Variants in MYH7B observed in about 807,000 individuals in gnomAD.
MYH7B encodes the protein myosin heavy chain 7B, also known as myosin-7B.
A neutral mutation model predicts 234.5 loss-of-function variants in MYH7B; 205 were observed. The ratio of observed to expected loss-of-function variants is 0.87; its 90% CI spans 0.78 to 0.98. The LOEUF (loss-of-function observed/expected upper bound fraction) is 0.98, where lower values mean the gene tolerates loss of function less well. MYH7B is among the 50% of genes least tolerant of loss of function. The pLI, the probability that MYH7B is intolerant of heterozygous loss-of-function variation, is 0.00. For missense variants in MYH7B, 2,652 were observed against 2,633.4 expected, an observed-to-expected ratio of 1.01 and a Z score of -0.15; for synonymous variants, 1,193 against 1,105.0, an observed-to-expected ratio of 1.08 and a Z score of -1.58.
In MYH7B at chr20:34,998,748, G is replaced by C. The variant is rs1405813294; in HGVS notation, c.4023G>C (p.Gln1341His). The C allele has an allele frequency of 3.1e-6, 5 of 1,612,432 alleles. No individual in the cohort carries two copies. In the African/African-American group the frequency reaches 6.7e-5, roughly 22 times the overall value. The change falls in exon 35 of 45, where the codon CAG becomes CAC. Residue 1341 changes from glutamine (Q) to histidine (H), a missense_variant. By Grantham distance (24) the Gln-to-His change is conservative (BLOSUM62 0). Transcript: ENST00000262873. Reference sequence around the variant, plus strand: ...AGAGTGCCCTGGCCCACGCCGTGCAGGCTCTGCGGCACGACTGTGACCTCC... The same window carrying C: ...AGAGTGCCCTGGCCCACGCCGTGCACGCTCTGCGGCACGACTGTGACCTCC...
chr20:34,962,723 G>T (rs948811082), intron 2 of MYH7B, among the ~76,000 whole-genome samples: 16 of 152,100 alleles, frequency 1.1e-4, no homozygotes, highest in Admixed American at 9.8e-4. Flanking sequence ...GAACTCCTCG[G>T]TTCAAGGGAT....
chr20:34,958,945 A>T (rs1346506990), intron 2 of MYH7B, among the ~76,000 whole-genome samples: 1 of 152,182 alleles, frequency 6.6e-6, no homozygotes, highest in Non-Finnish European at 1.5e-5. Context: ...TTGCTAACTG[A>T]TGGAAATAGT....
rs894948232 is a variant in MYH7B, at chr20:34,999,285, C to G, written c.4420C>G (p.Leu1474Val). The change falls in exon 36 of 45, where the codon CTG becomes GTG. Residue 1474 changes from leucine to valine, a missense_variant. Physicochemically the swap from Leu to Val is conservative, Grantham distance 32. Transcript: ENST00000262873. ...GCAGGAGGAGGAGATGCAGCGGGAG[C>G]TGGAGGCGGCACAGAGGGAGTCCCG... The G allele has an allele frequency of 1.9e-6, 3 of 1,591,496 alleles. No individual in the cohort carries two copies. Among genetic ancestry groups the G allele is most frequent in the African/African-American group, 2.7e-5 (2 of 74,678 alleles).
At chr20:34,999,750 T>TCCCCCCCCCCCCCCCC (rs61644803) in intron 37 of MYH7B, 41 bp from the exon 38 acceptor site, 2 of 1,320,768 alleles carry the variant, frequency 1.5e-6, no homozygotes, top group African/African-American at 1.8e-5. Flanking sequence ...CCACTGGCCA[T>TCCCCCCCCCCCCCCCC]CCCCCCCCCC....
chr20:35,001,652 C>G, intron 43 of MYH7B, 126 bp downstream of exon 43: 1 of 872,986 alleles, frequency 1.1e-6, no homozygotes, highest in East Asian at 2.6e-5. Flanking sequence ...AAGAGAGAAG[C>G]TTCTAACATC....
rs889811950 is a variant in MYH7B, at chr20:34,956,008, G to A, written c.-337+1G>A. ...CATCGGGGTCGGCGGGGAGCTACGG[G>A]TATGCATAGCTCATAGAGCGTCAGA... is the stretch of plus-strand genomic sequence containing the variant. On this transcript the variant is annotated splice_donor_variant, in intron 1 of 44. Coordinates refer to ENST00000262873, the Ensembl canonical transcript of MYH7B. LOFTEE classifies it low-confidence loss of function (5UTR_SPLICE). 2.0e-5 allele frequency: 3 copies of A among 152,428 alleles called. No homozygotes were observed. The highest frequency in any genetic ancestry group is 7.2e-5 in the African/African-American group (3 of 41,448). The allele number at this position is 152,428 out of a possible 1,614,324, so 9.4% of individuals were successfully genotyped here. A position where few individuals can be genotyped will look rare whatever the true frequency, so the allele number is the denominator to read the frequency against.
intron 10 of MYH7B, among the ~76,000 whole-genome samples, chr20:34,983,047 G>C (rs988886564): frequency 1.3e-5 from 2 of 152,136 alleles, no homozygotes; most frequent in Non-Finnish European, 2.9e-5. Context: ...TGAAACAATG[G>C]GGCCAAGTTT....
At position 34,987,716 on chromosome 20, in the gene MYH7B, C is replaced by A. The variant is rs561102765; in HGVS notation, c.1266+41C>A. 21 of 1,612,520 alleles carry A rather than the reference C, an allele frequency of 1.3e-5. No homozygotes were observed. In the East Asian group the frequency reaches 4.7e-4, roughly 36 times the overall value. ...GCCAAACCCATGGGGGACAGCCGGG[C>A]AGGGTCCCCTCCTTGCCAGGTCCCA... On this transcript the variant is annotated intron_variant, in intron 17 of 44. Coordinates refer to ENST00000262873, the Ensembl canonical transcript of MYH7B.
At chr20:35,000,013 G>A (rs2082339890) in intron 38 of MYH7B, 107 bp downstream of exon 38, 12 of 1,120,956 alleles carry the variant, frequency 1.1e-5, no homozygotes, top group Non-Finnish European at 1.6e-5. Flanking sequence ...TGAGGTCCGG[G>A]TTGCTGTCTC....
At chr20:34,994,354 G>A (rs755719619) in exon 27 of MYH7B, 47 of 1,604,208 alleles carry the variant, frequency 2.9e-5, no homozygotes, top group Non-Finnish European at 3.8e-5. Context: ...GGAGACGCAC[G>A]TCAGCATCAC....
Position 34,977,920 on chromosome 20 carries a change from C to T in MYH7B, c.-72-14C>T, listed in dbSNP as rs372648902. ...GTGCCCTAGTTCAGCTCCCTTGTCACTGCCATCTTCCAGTGCCTGCTGCCT... is the reference window on the plus strand; with the variant it reads ...GTGCCCTAGTTCAGCTCCCTTGTCATTGCCATCTTCCAGTGCCTGCTGCCT... On this transcript the variant is annotated splice_polypyrimidine_tract_variant and intron_variant, in intron 4 of 44. Coordinates refer to ENST00000262873, the Ensembl canonical transcript of MYH7B. 1.2e-5 allele frequency: 19 copies of T among 1,613,006 alleles called. No homozygotes were observed. The East Asian group carries it at 2.0e-4, about 17-fold the overall frequency.
chr20:34,971,659 C>T (rs528094303), intron 2 of MYH7B, among the ~76,000 whole-genome samples: 1 of 152,320 alleles, frequency 6.6e-6, no homozygotes, highest in Non-Finnish European at 1.5e-5. Flanking sequence ...ATTATGGCAG[C>T]CTCCTCCTGA....
chr20:34,979,942 T>A, intron 7 of MYH7B, 138 bp downstream of exon 7: 1 of 713,778 alleles, frequency 1.4e-6, no homozygotes, highest in Non-Finnish European at 2.0e-6. Context: ...ATAGAGCGGG[T>A]CCATAGCGGG....
intron 38 of MYH7B, among the ~76,000 whole-genome samples, 165 bp downstream of exon 38, chr20:35,000,071 A>T (rs1248055919): frequency 6.6e-6 from 1 of 152,154 alleles, no homozygotes; most frequent in African/African-American, 2.4e-5. Flanking sequence ...GCCCAAAGTC[A>T]CACAGTGGGG....
At chr20:35,000,096 T>C (rs1252094640) in intron 38 of MYH7B, among the ~76,000 whole-genome samples, 190 bp downstream of exon 38, 1 of 152,130 alleles carries the variant, frequency 6.6e-6, no homozygotes, top group Non-Finnish European at 1.5e-5. Flanking sequence ...AGCCAGTCAG[T>C]CCACCTCTGT....
intron 24 of MYH7B, among the ~76,000 whole-genome samples, chr20:34,992,258 A>T (rs576036678): frequency 6.6e-6 from 1 of 151,646 alleles, no homozygotes; most frequent in African/African-American, 2.4e-5. Flanking sequence ...TGGTGGCGGG[A>T]GCCTGTAGTC....
intron 4 of MYH7B, 58 bp downstream of exon 4, chr20:34,977,738 G>GGGGGGGGGGGGGGGGGGGGGGGGGCCCCC: frequency 3.2e-6 from 1 of 317,144 alleles, no homozygotes; most frequent in South Asian, 2.1e-5. Context: ...GGGCGGGTGG[G>GGGGGGGGGGGGGGGGGGGGGGGGGCCCCC]TGAGGGTGCC....
chr20:34,987,378 C>A, intron 16 of MYH7B, 91 bp downstream of exon 16: 2 of 1,547,950 alleles, frequency 1.3e-6, no homozygotes, highest in Non-Finnish European at 1.8e-6. Context: ...CAACCTTTAA[C>A]CTCAGTCTTA....
intron 2 of MYH7B, among the ~76,000 whole-genome samples, chr20:34,969,102 G>A (rs956460264): frequency 6.6e-6 from 1 of 152,104 alleles, no homozygotes; most frequent in Admixed American, 6.5e-5. Context: ...GCTCTGGGAT[G>A]GTTTTGCATA....
Sources: allele counts gnomAD v4.1 joint callset (sites outside exome capture counted in the v4.1 genomes callset), GRCh38; gene constraint gnomAD v4.1.1; transcripts MANE v1.5; gene names NCBI Gene and HGNC (gene_info 2026-07-23, HGNC 2026-07-21).